Variants in TBC1D10A observed in about 807,000 individuals in gnomAD.
The protein encoded by TBC1D10A is EBP50-PDX interactor of 64 kDa.
TBC1D10A carries 24 observed loss-of-function variants against 52.9 expected under a neutral mutation model. The ratio of observed to expected loss-of-function variants is 0.45; its 90% confidence interval spans 0.33 to 0.64. TBC1D10A has a LOEUF of 0.64. Among genes scored for constraint, TBC1D10A ranks in the 30% least tolerant of loss-of-function variants. The pLI is 0.02. For missense variants in TBC1D10A, 602 were observed against 687.9 expected (o/e 0.88, Z 1.40); for synonymous variants, 278 against 282.9 (o/e 0.98, Z 0.17).
intron 1 of TBC1D10A, chr22:30,318,611 A>C: frequency 2.1e-6 from 1 of 471,040 alleles, no homozygotes; most frequent in Non-Finnish European, 4.4e-6. Flanking sequence ...TCCAGAATGG[A>C]CTCTGTAAGA....
In TBC1D10A at chr22:30,293,632, G is replaced by A; in HGVS notation, c.1050+19C>T. 1 of 1,591,454 alleles carries A rather than the reference G, an allele frequency of 6.3e-7. No homozygotes were observed. On this transcript the variant is annotated intron_variant, in intron 8 of 8. Transcript: ENST00000215790. The stretch of plus-strand genomic sequence containing the variant: ...TGTCTTCCTCCCTCCCCATGATAAG[G>A]GGCAGGCATGGGCTGTACCTCCTGG...
At chr22:30,308,812 C>CT (rs1930370177) in intron 1 of TBC1D10A, among the ~76,000 whole-genome samples, 1 of 152,204 alleles carries the variant, frequency 6.6e-6, no homozygotes, top group South Asian at 2.1e-4. Flanking sequence ...CAAGCTACTT[C>CT]TGCCTTAGAA....
At chr22:30,303,463 G>A (rs923763293) in intron 2 of TBC1D10A, among the ~76,000 whole-genome samples, 5 of 152,210 alleles carry the variant, frequency 3.3e-5, no homozygotes, top group African/African-American at 7.2e-5. Context: ...CCACCACTTC[G>A]TGGGGAGCAA....
chr22:30,323,421 G>A (rs1229483344), intron 1 of TBC1D10A, among the ~76,000 whole-genome samples: 1 of 152,160 alleles, frequency 6.6e-6, no homozygotes, highest in Non-Finnish European at 1.5e-5. Context: ...AGTCAGGGAA[G>A]GTAAGAGCAG....
At chr22:30,307,092 G>A (rs1365981876) in intron 1 of TBC1D10A, among the ~76,000 whole-genome samples, 1 of 152,138 alleles carries the variant, frequency 6.6e-6, no homozygotes, top group Non-Finnish European at 1.5e-5. Flanking sequence ...GGCCCACAGA[G>A]GAGCTGTGGG....
At chr22:30,296,444 A>G (rs949516681) in intron 3 of TBC1D10A, 4 of 152,978 alleles carry the variant, frequency 2.6e-5, no homozygotes, top group African/African-American at 4.8e-5. Flanking sequence ...CCTCAGCTAC[A>G]TGCCTCCCTG....
chr22:30,303,684 G>A (rs1463906080), intron 2 of TBC1D10A, among the ~76,000 whole-genome samples: 2 of 152,242 alleles, frequency 1.3e-5, no homozygotes, highest in Non-Finnish European at 2.9e-5. Context: ...CAGCTGATGA[G>A]AGTGGGCAAT....
chr22:30,308,701 ACTT>A (rs1164161955), intron 1 of TBC1D10A, among the ~76,000 whole-genome samples: 3 of 152,110 alleles, frequency 2.0e-5, no homozygotes, highest in East Asian at 1.9e-4. Flanking sequence ...CGGGTCTTGA[ACTT>A]CTTCTGTGAC....
intron 1 of TBC1D10A, among the ~76,000 whole-genome samples, chr22:30,319,544 A>C (rs1337502716): frequency 6.6e-6 from 1 of 152,176 alleles, no homozygotes; most frequent in Non-Finnish European, 1.5e-5. Context: ...TTGAGTGCTA[A>C]GCTATGGCAG....
chr22:30,301,443 A>C (rs1930200631), intron 2 of TBC1D10A, among the ~76,000 whole-genome samples: 1 of 152,214 alleles, frequency 6.6e-6, no homozygotes, highest in Non-Finnish European at 1.5e-5. Context: ...GTAAGATCTG[A>C]ATAATACCTA....
chr22:30,307,419 T>C (rs1407159749), intron 1 of TBC1D10A, among the ~76,000 whole-genome samples: 1 of 152,188 alleles, frequency 6.6e-6, no homozygotes, highest in East Asian at 1.9e-4. Context: ...CCAGGTGAAG[T>C]CACTCTATTG....
chr22:30,310,674 A>G (rs1342766776), intron 1 of TBC1D10A, among the ~76,000 whole-genome samples: 7 of 152,198 alleles, frequency 4.6e-5, no homozygotes, highest in African/African-American at 1.7e-4. Flanking sequence ...GCCAAGCACT[A>G]CACAGGCACA....
chr22:30,301,076 G>A (rs1382801749), intron 2 of TBC1D10A, among the ~76,000 whole-genome samples: 2 of 152,144 alleles, frequency 1.3e-5, no homozygotes, highest in Non-Finnish European at 2.9e-5. Flanking sequence ...GCAGAGTGGG[G>A]GTAAATTTGT....
At position 30,326,717 on chromosome 22, in the gene TBC1D10A, G is replaced by T; in HGVS notation, c.165C>A (p.Ile55=). 1 of 1,543,152 alleles carries T rather than the reference G, an allele frequency of 6.5e-7. No individual in the cohort carries two copies. Among genetic ancestry groups the T allele is most frequent in the Non-Finnish European group, 8.7e-7 (1 of 1,143,456 alleles). ...AGCCCACGATGAAGCCGAACTTGTC[G>T]ATGCGGCGCTCGGCGAAGCCGTTGG... ...SEANGFAERR[I]DKFGFIVGSQ... The change falls in exon 1 of 9, where the codon ATC becomes ATA. Residue 55 remains isoleucine (I), a synonymous_variant. Transcript: ENST00000215790.
At chr22:30,306,447 C>A (rs1047653378) in intron 1 of TBC1D10A, among the ~76,000 whole-genome samples, 1 of 152,206 alleles carries the variant, frequency 6.6e-6, no homozygotes, top group South Asian at 2.1e-4. Flanking sequence ...ATGTTAAATT[C>A]AGAGTTCTTT....
At chr22:30,294,440 G>A (rs971996062) in intron 6 of TBC1D10A, among the ~76,000 whole-genome samples, 2 of 152,192 alleles carry the variant, frequency 1.3e-5, no homozygotes, top group African/African-American at 4.8e-5. Context: ...CTCCCTGAGG[G>A]CTAAAAGCTG....
At chr22:30,316,461 G>GTTT (rs71328836) in intron 1 of TBC1D10A, among the ~76,000 whole-genome samples, 1 of 143,076 alleles carries the variant, frequency 7.0e-6, no homozygotes. Flanking sequence ...TTTTGTTTTT[G>GTTT]TTTTTTTTTT....
chr22:30,318,396 G>A (rs1345186458), intron 1 of TBC1D10A, among the ~76,000 whole-genome samples: 1 of 152,070 alleles, frequency 6.6e-6, no homozygotes, highest in African/African-American at 2.4e-5. Context: ...GCTCAACACC[G>A]CTTATCCTAT....
chr22:30,326,077 G>C (rs938859445), intron 1 of TBC1D10A, among the ~76,000 whole-genome samples: 9 of 151,898 alleles, frequency 5.9e-5, no homozygotes, highest in African/African-American at 2.2e-4. Context: ...GGAGCTGAGG[G>C]GAGGGAGGTG....
Sources: allele counts gnomAD v4.1 joint callset (sites outside exome capture counted in the v4.1 genomes callset), GRCh38; gene constraint gnomAD v4.1.1; transcripts MANE v1.5; gene names NCBI Gene and HGNC (gene_info 2026-07-23, HGNC 2026-07-21).